RALA: variants seen among roughly 807,000 people sequenced by gnomAD.
RALA encodes ras-related protein Ral-A.
A neutral mutation model predicts 24.0 loss-of-function variants in RALA; 5 were observed. The ratio of observed to expected loss-of-function variants is 0.21; its 90% CI spans 0.11 to 0.44. RALA has a LOEUF of 0.44. Ranked by LOEUF, RALA falls within the 20% of genes least tolerant of loss-of-function variation. The pLI, the probability that RALA is intolerant of heterozygous loss-of-function variation, is 0.99. For missense variants in RALA, 95 were observed against 241.2 expected (o/e 0.39, Z 4.01); for synonymous variants, 77 against 83.8 (o/e 0.92, Z 0.44).
intron 1 of RALA, among the ~76,000 whole-genome samples, chr7:39,663,977 T>G (rs1443964540): frequency 6.6e-6 from 1 of 152,182 alleles, no homozygotes; most frequent in African/African-American, 2.4e-5. Flanking sequence ...CAAGATAACA[T>G]GAGAAGCAGC....
intron 1 of RALA, among the ~76,000 whole-genome samples, chr7:39,670,043 A>G (rs1482611793): frequency 2.6e-5 from 4 of 152,216 alleles, no homozygotes; most frequent in African/African-American, 9.6e-5. Context: ...ACCAGGCTAT[A>G]TATATGCTTA....
At chr7:39,634,054 G>A (rs187194618) in intron 1 of RALA, among the ~76,000 whole-genome samples, 2 of 152,250 alleles carry the variant, frequency 1.3e-5, no homozygotes, top group Admixed American at 1.3e-4. Context: ...TTCTCTCCCA[G>A]GAGGGCTGGG....
At chr7:39,642,121 T>C in intron 1 of RALA, among the ~76,000 whole-genome samples, 1 of 152,086 alleles carries the variant, frequency 6.6e-6, no homozygotes, top group Non-Finnish European at 1.5e-5. Context: ...ACAACCGCTG[T>C]AACAAAAGGC....
chr7:39,659,123 A>T (rs1025773098), intron 1 of RALA, among the ~76,000 whole-genome samples: 20 of 152,054 alleles, frequency 1.3e-4, no homozygotes, highest in African/African-American at 4.6e-4. Context: ...AGAAAAAAAC[A>T]CAGCGAAAAA....
intron 4 of RALA, among the ~76,000 whole-genome samples, chr7:39,699,127 T>TA (rs1253537422): frequency 4.6e-5 from 5 of 108,888 alleles, no homozygotes; most frequent in African/African-American, 2.0e-4. Context: ...TGTTATTTTT[T>TA]TTTTTTTTTT....
chr7:39,693,630 C>A (rs1792870190), intron 3 of RALA, among the ~76,000 whole-genome samples: 1 of 152,164 alleles, frequency 6.6e-6, no homozygotes, highest in Admixed American at 6.5e-5. Context: ...TTAAGAAAGT[C>A]ACAGCACGCC....
At chr7:39,684,647 G>A (rs1390328329) in intron 1 of RALA, among the ~76,000 whole-genome samples, 1 of 150,996 alleles carries the variant, frequency 6.6e-6, no homozygotes, top group Non-Finnish European at 1.5e-5. Flanking sequence ...TGGCTTCCCC[G>A]GGCCACATTG....
chr7:39,668,891 G>T (rs1792332095), intron 1 of RALA, among the ~76,000 whole-genome samples: 1 of 151,116 alleles, frequency 6.6e-6, no homozygotes, highest in African/African-American at 2.4e-5. Context: ...CAAGGCGGGC[G>T]GATCATGAGG....
At chr7:39,694,229 A>G (rs985030881) in intron 3 of RALA, among the ~76,000 whole-genome samples, 13 of 152,264 alleles carry the variant, frequency 8.5e-5, no homozygotes, top group African/African-American at 3.1e-4. Flanking sequence ...CTTAGAGTCC[A>G]TAAAATAAGA....
At chr7:39,681,190 G>A (rs1272077935) in intron 1 of RALA, among the ~76,000 whole-genome samples, 1 of 149,660 alleles carries the variant, frequency 6.7e-6, no homozygotes. Context: ...CAAACAAAAA[G>A]CCCTTTTCCT....
intron 4 of RALA, among the ~76,000 whole-genome samples, chr7:39,704,021 C>G (rs907230744): frequency 6.6e-6 from 1 of 151,816 alleles, no homozygotes; most frequent in Non-Finnish European, 1.5e-5. Flanking sequence ...CAAAAATTAG[C>G]CAGACATGGT....
At chr7:39,651,937 C>G (rs1010834636) in intron 1 of RALA, among the ~76,000 whole-genome samples, 1 of 152,138 alleles carries the variant, frequency 6.6e-6, no homozygotes, top group Non-Finnish European at 1.5e-5. Context: ...TATGGATAAT[C>G]ATGACACTGA....
At chr7:39,670,493 A>T in intron 1 of RALA, among the ~76,000 whole-genome samples, 1 of 152,322 alleles carries the variant, frequency 6.6e-6, no homozygotes, top group Middle Eastern at 3.4e-3. Context: ...AATTCAGTAA[A>T]TAAAAACATC....
At chr7:39,698,136 C>G (rs902874720) in intron 4 of RALA, among the ~76,000 whole-genome samples, 2 of 151,904 alleles carry the variant, frequency 1.3e-5, no homozygotes, top group Non-Finnish European at 2.9e-5. Flanking sequence ...CCTCACATGA[C>G]AGAGAGAGAG....
At chr7:39,655,383 A>G (rs1019185547) in intron 1 of RALA, among the ~76,000 whole-genome samples, 2 of 152,230 alleles carry the variant, frequency 1.3e-5, no homozygotes, top group Non-Finnish European at 2.9e-5. Context: ...TAACTAATCT[A>G]TATTTACAGA....
chr7:39,681,665 C>T (rs1792605723), intron 1 of RALA, among the ~76,000 whole-genome samples: 1 of 152,080 alleles, frequency 6.6e-6, no homozygotes, highest in Admixed American at 6.6e-5. Flanking sequence ...TGAGTTGTTT[C>T]AGGGCTCTTT....
At chr7:39,651,581 T>C (rs538464751) in intron 1 of RALA, among the ~76,000 whole-genome samples, 1 of 150,328 alleles carries the variant, frequency 6.7e-6, no homozygotes, top group Non-Finnish European at 1.5e-5. Context: ...TCACTAAGCT[T>C]TTTTTTTTTC....
chr7:39,662,083 T>C (rs1792202056), intron 1 of RALA, among the ~76,000 whole-genome samples: 1 of 152,130 alleles, frequency 6.6e-6, no homozygotes, highest in African/African-American at 2.4e-5. Context: ...TAGTCATAGC[T>C]GGAGTGGCTG....
At chr7:39,680,973 G>A (rs931007915) in intron 1 of RALA, among the ~76,000 whole-genome samples, 5 of 152,058 alleles carry the variant, frequency 3.3e-5, no homozygotes, top group East Asian at 1.9e-4. Context: ...ACCTGCAGCC[G>A]GCATCTATAC....
Sources: allele counts gnomAD v4.1 joint callset (sites outside exome capture counted in the v4.1 genomes callset), GRCh38; gene constraint gnomAD v4.1.1; transcripts MANE v1.5; gene names NCBI Gene and HGNC (gene_info 2026-07-23, HGNC 2026-07-21).